Variants in SYT9 observed in about 807,000 individuals in gnomAD.
SYT9 encodes synaptotagmin 9.
SYT9 carries 22 observed loss-of-function variants against 48.4 expected under a neutral mutation model. That is an observed-to-expected ratio of 0.45 (90% CI 0.32 to 0.65). The LOEUF (loss-of-function observed/expected upper bound fraction) is 0.65. SYT9 is among the 30% of genes least tolerant of loss of function. The probability of loss-of-function intolerance (pLI) is 0.03; values close to 1 mark genes in which losing one functional copy is unlikely to be tolerated. For missense variants in SYT9, 577 were observed against 622.0 expected, an observed-to-expected ratio of 0.93 and a Z score of 0.77; for synonymous variants, 265 against 245.0, an observed-to-expected ratio of 1.08 and a Z score of -0.76.
intron 1 of SYT9, among the ~76,000 whole-genome samples, chr11:7,267,490 T>C (rs891958261): frequency 6.6e-6 from 1 of 151,906 alleles, no homozygotes; most frequent in Admixed American, 6.6e-5. Flanking sequence ...CACTTAAAAA[T>C]TGAACTCTTT....
At chr11:7,305,033 A>T (rs752263188) in intron 2 of SYT9, among the ~76,000 whole-genome samples, 2 of 152,224 alleles carry the variant, frequency 1.3e-5, no homozygotes, top group African/African-American at 4.8e-5. Flanking sequence ...GATAGCAATG[A>T]TGCCACTATA....
intron 1 of SYT9, among the ~76,000 whole-genome samples, chr11:7,294,400 T>A (rs570651818): frequency 6.6e-5 from 10 of 152,340 alleles, no homozygotes; most frequent in Non-Finnish European, 1.3e-4. Context: ...CAGTCTCATC[T>A]AAATATTATC....
chr11:7,367,113 G>A (rs190381631), intron 3 of SYT9, among the ~76,000 whole-genome samples: 1,419 of 100,726 alleles, frequency 0.014, 31 homozygotes, highest in Middle Eastern at 0.028. Flanking sequence ...ACGGAGCCTC[G>A]CTCTGTCACC....
chr11:7,408,727 T>C (rs959312616), intron 3 of SYT9, among the ~76,000 whole-genome samples: 5 of 152,218 alleles, frequency 3.3e-5, no homozygotes, highest in African/African-American at 4.8e-5. Flanking sequence ...AGTTTTTTGG[T>C]GGAGTCTAGG....
At chr11:7,379,124 A>T (rs75500844) in intron 3 of SYT9, among the ~76,000 whole-genome samples, 1 of 152,170 alleles carries the variant, frequency 6.6e-6, no homozygotes, top group Non-Finnish European at 1.5e-5. Flanking sequence ...CTTAACATCA[A>T]ATTAAATGCT....
intron 3 of SYT9, among the ~76,000 whole-genome samples, chr11:7,393,145 A>C (rs1846670051): frequency 6.6e-6 from 1 of 152,112 alleles, no homozygotes; most frequent in Non-Finnish European, 1.5e-5. Flanking sequence ...GCTGAATAGA[A>C]GTGGTGAGAG....
At chr11:7,428,196 A>G (rs935338392) in intron 6 of SYT9, among the ~76,000 whole-genome samples, 1 of 152,216 alleles carries the variant, frequency 6.6e-6, no homozygotes, top group Non-Finnish European at 1.5e-5. Context: ...AAAGATAATG[A>G]CAATGTGGTA....
At chr11:7,397,159 C>T (rs1397373271) in intron 3 of SYT9, among the ~76,000 whole-genome samples, 4 of 152,086 alleles carry the variant, frequency 2.6e-5, no homozygotes, top group African/African-American at 7.2e-5. Context: ...TGTCCATTTC[C>T]ATTAAAATCC....
chr11:7,245,171 CTGGAGAAGTTCCA>C (rs1199950698), intron 1 of SYT9, among the ~76,000 whole-genome samples: 1 of 152,178 alleles, frequency 6.6e-6, no homozygotes, highest in Non-Finnish European at 1.5e-5. Flanking sequence ...CTCCAATAAG[CTGGAGAAGTTCCA>C]TGGAGAAGTT....
At chr11:7,292,425 C>T (rs1174177955) in intron 1 of SYT9, among the ~76,000 whole-genome samples, 1 of 152,222 alleles carries the variant, frequency 6.6e-6, no homozygotes, top group Admixed American at 6.5e-5. Flanking sequence ...TAGGAGGAAT[C>T]TCTTCCCCCA....
chr11:7,361,076 T>C (rs2134015873), intron 3 of SYT9, among the ~76,000 whole-genome samples: 1 of 152,242 alleles, frequency 6.6e-6, no homozygotes. Context: ...TTATCTCTTT[T>C]TTCTTGATTC....
intron 6 of SYT9, among the ~76,000 whole-genome samples, chr11:7,462,435 C>T (rs1848253162): frequency 6.6e-6 from 1 of 152,132 alleles, no homozygotes; most frequent in Non-Finnish European, 1.5e-5. Context: ...CACATTCATA[C>T]TGCTTTATTT....
intron 1 of SYT9, among the ~76,000 whole-genome samples, chr11:7,280,771 G>A (rs978807098): frequency 2.5e-5 from 2 of 81,532 alleles, no homozygotes; most frequent in Non-Finnish European, 5.3e-5. Flanking sequence ...TACTATAGAT[G>A]TAAGTAAGAT....
chr11:7,289,401 C>T (rs970680867), intron 1 of SYT9, among the ~76,000 whole-genome samples: 7 of 152,186 alleles, frequency 4.6e-5, no homozygotes, highest in Admixed American at 4.6e-4. Flanking sequence ...TGGATCACCA[C>T]TACCACAGCA....
intron 1 of SYT9, among the ~76,000 whole-genome samples, chr11:7,284,681 A>G (rs772015499): frequency 1.3e-5 from 2 of 151,944 alleles, no homozygotes; most frequent in African/African-American, 4.8e-5. Context: ...TTTTTCATTC[A>G]TCTTTCTCAG....
intron 3 of SYT9, among the ~76,000 whole-genome samples, chr11:7,364,695 A>T (rs1850208890): frequency 6.6e-6 from 1 of 152,188 alleles, no homozygotes; most frequent in African/African-American, 2.4e-5. Context: ...GCCTTATTAC[A>T]GTTCATGTGG....
chr11:7,385,028 A>G (rs940533401), intron 3 of SYT9, among the ~76,000 whole-genome samples: 20 of 152,004 alleles, frequency 1.3e-4, no homozygotes, highest in African/African-American at 4.8e-4. Context: ...CCTATTTAAT[A>G]TATTATTTAA....
At chr11:7,432,582 AATATATATACATATATATATAT>A (rs1564902065) in intron 6 of SYT9, among the ~76,000 whole-genome samples, 55 of 3,498 alleles carry the variant, frequency 0.016, 1 homozygote, top group Non-Finnish European at 0.018. Context: ...AAAAAAAAAA[AATATATATACATATATATATAT>A]ATATATATAT....
In SYT9 at chr11:7,287,400, G is replaced by A. The variant is rs149364278; in HGVS notation, c.146-15639G>A. ...CAATTCAACATAAGATTTGGGTGGGGACACAGAGCCAAACCATATCAATGC... is the reference window on the plus strand; with the variant it reads ...CAATTCAACATAAGATTTGGGTGGGAACACAGAGCCAAACCATATCAATGC... On this transcript the variant is annotated intron_variant, in intron 1 of 6. Coordinates refer to ENST00000318881, the MANE Select transcript of SYT9 (RefSeq NM_175733.4). Among the ~76,000 whole-genome samples, 1,428 of 152,296 alleles carry A rather than the reference G, an allele frequency of 9.4e-3. 13 individuals carry two copies. Among genetic ancestry groups the A allele is most frequent in the Non-Finnish European group, 0.016 (1,107 of 68,008 alleles).
Sources: gnomAD v4.1 joint callset for allele counts (sites outside exome capture counted in the v4.1 genomes callset) on GRCh38, gnomAD v4.1.1 for gene constraint, MANE v1.5 for transcripts, NCBI Gene and HGNC (gene_info 2026-07-23, HGNC 2026-07-21) for gene names.